Variants in CARS1 observed in about 807,000 individuals in gnomAD.
The protein encoded by CARS1 is cysteinyl-tRNA synthetase 1.
CARS1 carries 48 observed loss-of-function variants against 106.2 expected under a neutral mutation model. The observed-to-expected ratio is 0.45, with a 90% CI of 0.36 to 0.57. CARS1 has a LOEUF of 0.57. Ranked by LOEUF, CARS1 falls within the 20% of genes least tolerant of loss-of-function variation. The pLI, the probability that CARS1 is intolerant of heterozygous loss-of-function variation, is 0.00. For missense variants in CARS1, 968 were observed against 1,057.2 expected (o/e 0.92, Z 1.17); for synonymous variants, 409 against 403.4 (o/e 1.01, Z -0.17).
intron 18 of CARS1, chr11:3,009,156 A>C (rs1296863056): frequency 6.6e-6 from 1 of 152,306 alleles, no homozygotes; most frequent in Non-Finnish European, 1.5e-5. Flanking sequence ...GGATTTACTG[A>C]AGAGAAATGT....
Position 3,015,834 on chromosome 11 carries a change from CT to C in CARS1, c.1932del (p.Glu645LysfsTer78). The C allele has an allele frequency of 6.2e-7, 1 of 1,614,172 alleles. No homozygotes were observed. Among genetic ancestry groups the C allele is most frequent in the Non-Finnish European group, 8.5e-7 (1 of 1,180,028 alleles). ...GGGAATCCCAGGGAGCTGTCCTCTT[CT>C]ACGGCCCCAAAGATCTAGGAAAAGA... Reference protein sequence around the residue: ...LTHMLKIFGAVEEDSSLGFPV... With the variant: ...LTHMLKIFGAXEEDSSLGFPV... On this transcript the variant is annotated frameshift_variant, in exon 17 of 23. Coordinates refer to ENST00000380525, the MANE Select transcript of CARS1 (RefSeq NM_001014437.3). LOFTEE classifies it high-confidence loss of function.
In CARS1 at chr11:3,023,586, G is replaced by A. The variant is rs560332594; in HGVS notation, c.1153+3090C>T. On this transcript the variant is annotated intron_variant, in intron 10 of 22. Transcript: ENST00000380525. ...ATTTTTAAAATTTTTGTAGAGATGCGGTCTCACTACATTGCCCACGATGGT... is the reference window on the plus strand; with the variant it reads ...ATTTTTAAAATTTTTGTAGAGATGCAGTCTCACTACATTGCCCACGATGGT... 7.2e-5 allele frequency among the ~76,000 whole-genome samples: 11 copies of A among 152,162 alleles called. No individual in the cohort carries two copies. In the South Asian group the frequency reaches 1.0e-3, roughly 14 times the overall value.
chr11:3,049,172 T>C (rs1237705897), intron 1 of CARS1, among the ~76,000 whole-genome samples: 1 of 152,074 alleles, frequency 6.6e-6, no homozygotes, highest in Non-Finnish European at 1.5e-5. Context: ...TGGAGTGCAG[T>C]GGTGCAATCA....
chr11:3,014,372 T>G (rs982347663), intron 17 of CARS1, among the ~76,000 whole-genome samples: 5 of 152,230 alleles, frequency 3.3e-5, no homozygotes, highest in African/African-American at 1.2e-4. Context: ...GGCCATGATG[T>G]GTGGGCACAG....
chr11:3,024,983 G>C (rs1310976829), intron 10 of CARS1, among the ~76,000 whole-genome samples: 2 of 152,070 alleles, frequency 1.3e-5, no homozygotes, highest in African/African-American at 4.8e-5. Flanking sequence ...ATTAATTCTT[G>C]GCCTACTTGA....
At chr11:3,033,932 A>C (rs941535535) in intron 7 of CARS1, among the ~76,000 whole-genome samples, 1 of 152,166 alleles carries the variant, frequency 6.6e-6, no homozygotes, top group Admixed American at 6.5e-5. Context: ...ATTTTTATAA[A>C]TTTTTTAAAT....
intron 1 of CARS1, among the ~76,000 whole-genome samples, chr11:3,051,766 T>C (rs1169579156): frequency 6.6e-6 from 1 of 152,180 alleles, no homozygotes; most frequent in African/African-American, 2.4e-5. Context: ...TGTTCCCCAA[T>C]GCTGACCCTC....
At position 3,029,582 on chromosome 11, in the gene CARS1, G is replaced by A; in HGVS notation, c.802-139C>T. ...CTGTGAAGAGCCACCGTCTCCTAGG[G>A]AGACTGTGATGCTTACACAACTGGC... On this transcript the variant is annotated intron_variant, in intron 7 of 22. Coordinates refer to ENST00000380525, the MANE Select transcript of CARS1 (RefSeq NM_001014437.3). The surrounding 1 kb of genome is among the most constrained non-coding windows in gnomAD (Gnocchi z 5.9). 1.2e-6 allele frequency: 1 copy of A among 830,356 alleles called. No individual in the cohort carries two copies. The highest frequency in any genetic ancestry group is 1.8e-5 in the South Asian group (1 of 56,394). The allele number at this position is 830,356 out of a possible 1,614,324, so 51.4% of individuals were successfully genotyped here. A position where few individuals can be genotyped will look rare whatever the true frequency, so the allele number is the denominator to read the frequency against.
intron 14 of CARS1, 145 bp from the exon 15 acceptor site, chr11:3,018,099 G>A: frequency 4.7e-6 from 3 of 633,236 alleles, no homozygotes; most frequent in Non-Finnish European, 8.3e-6. Flanking sequence ...GAAAGGAAAA[G>A]ATATTTCTTT....
chr11:3,005,518 C>T (rs899721057), intron 19 of CARS1, 85 bp from the exon 20 acceptor site: 6 of 1,041,828 alleles, frequency 5.8e-6, no homozygotes, highest in Non-Finnish European at 7.4e-6. Flanking sequence ...CCCTGCCCTG[C>T]CCAGACCATG....
chr11:3,024,450 T>A (rs12294584), intron 10 of CARS1, among the ~76,000 whole-genome samples: 8,054 of 133,566 alleles, frequency 0.06, 722 homozygotes, highest in African/African-American at 0.2. Context: ...AAAAAAAAAA[T>A]TTTTTTAATG....
At chr11:3,006,480 C>CA (rs1389269846) in intron 19 of CARS1, among the ~76,000 whole-genome samples, 1 of 152,174 alleles carries the variant, frequency 6.6e-6, no homozygotes, top group East Asian at 1.9e-4. Context: ...AAATAAAAAA[C>CA]AAAAAAATTA....
chr11:3,023,005 C>G (rs1851718610), intron 10 of CARS1, among the ~76,000 whole-genome samples: 1 of 152,156 alleles, frequency 6.6e-6, no homozygotes, highest in African/African-American at 2.4e-5. Flanking sequence ...AAATCCATGT[C>G]CCTCTTTGGT....
chr11:3,028,186 G>C lies in CARS1; in HGVS notation c.1031+810C>G. The C allele has an allele frequency of 3.0e-6, 1 of 331,978 alleles. No individual in the cohort carries two copies. Among genetic ancestry groups the C allele is most frequent in the Non-Finnish European group, 5.7e-6 (1 of 173,954 alleles). 20.6% of individuals were successfully genotyped at this position (331,978 alleles called of 1,614,324 possible). On this transcript the variant is annotated intron_variant, in intron 9 of 22. Coordinates refer to ENST00000380525, the MANE Select transcript of CARS1 (RefSeq NM_001014437.3). The surrounding 1 kb of genome is among the most constrained non-coding windows in gnomAD (Gnocchi z 4.4). ...GCTGCCAGGCAGGGAAGGGCCCCCT[G>C]TCCAGTGGACACGTGACCCACGTGG...
At position 3,040,910 on chromosome 11, in the gene CARS1, G is replaced by A; in HGVS notation, c.441C>T (p.His147=). 1 of 1,614,112 alleles carries A rather than the reference G, an allele frequency of 6.2e-7. No homozygotes were observed. Among genetic ancestry groups the A allele is most frequent in the Non-Finnish European group, 8.5e-7 (1 of 1,180,008 alleles). ...CCGPTVYDAS[H]MGHARSYISF... ...GGTGGACCTACCTGGCGTGCCCCAT[G>A]TGAGATGCGTCATAGACGGTTGGCC... The change falls in exon 4 of 23, where the codon CAC becomes CAT. Residue 147 remains histidine (H), a synonymous_variant. Transcript: ENST00000380525. This position sits in a 1 kb window ranked among gnomAD's most constrained non-coding sequence, Gnocchi z 5.8.
At chr11:3,056,971 C>T (rs549911545) in intron 1 of CARS1, among the ~76,000 whole-genome samples, 1 of 152,166 alleles carries the variant, frequency 6.6e-6, no homozygotes, top group East Asian at 1.9e-4. Flanking sequence ...GTCTGGCAGA[C>T]CCTCACGCAG....
rs542282330 is a variant in CARS1, at chr11:3,046,352, G to C, written c.274+1401C>G. ...TCCTGCCCCCCTCTGGCTGTGTCTTGGAATGGCACATGGCAGGGGGAACAA... is the reference window on the plus strand; with the variant it reads ...TCCTGCCCCCCTCTGGCTGTGTCTTCGAATGGCACATGGCAGGGGGAACAA... On this transcript the variant is annotated intron_variant, in intron 2 of 22. Coordinates refer to ENST00000380525, the MANE Select transcript of CARS1 (RefSeq NM_001014437.3). This position sits in a 1 kb window ranked among gnomAD's most constrained non-coding sequence, Gnocchi z 5.8. Among the ~76,000 whole-genome samples the C allele has an allele frequency of 2.0e-5, 3 of 152,242 alleles. No individual in the cohort carries two copies. Among genetic ancestry groups the C allele is most frequent in the East Asian group, 1.9e-4 (1 of 5,170 alleles).
chr11:3,029,610 G>A lies in CARS1; in HGVS notation c.802-167C>T, dbSNP rs1366876076. 10 of 657,072 alleles carry A rather than the reference G, an allele frequency of 1.5e-5. No individual in the cohort carries two copies. Among genetic ancestry groups the A allele is most frequent in the East Asian group, 1.4e-4 (5 of 36,452 alleles). The allele number at this position is 657,072 out of a possible 1,614,324, so 40.7% of individuals were successfully genotyped here. A position where few individuals can be genotyped will look rare whatever the true frequency, so the allele number is the denominator to read the frequency against. The stretch of plus-strand genomic sequence containing the variant: ...ACTGTGATGCTTACACAACTGGCTC[G>A]GCAGGGACAAATACAAGACTCTACA... On this transcript the variant is annotated intron_variant, in intron 7 of 22. Coordinates refer to ENST00000380525, the MANE Select transcript of CARS1 (RefSeq NM_001014437.3). The surrounding 1 kb of genome is among the most constrained non-coding windows in gnomAD (Gnocchi z 5.9).
rs1025715353 is a variant in CARS1, at chr11:3,003,553, G to A, written c.2218-953C>T. On this transcript the variant is annotated intron_variant, in intron 20 of 22. Coordinates refer to ENST00000380525, the MANE Select transcript of CARS1 (RefSeq NM_001014437.3). This position sits in a 1 kb window ranked among gnomAD's most constrained non-coding sequence, Gnocchi z 4.8. ...ACCAGATAAGGTCTCCTGGGGAGGCGCCACACACAGAGCTAGGGAAAAGAA... is the reference window on the plus strand; with the variant it reads ...ACCAGATAAGGTCTCCTGGGGAGGCACCACACACAGAGCTAGGGAAAAGAA... Among the ~76,000 whole-genome samples the A allele has an allele frequency of 2.0e-5, 3 of 152,248 alleles. No individual in the cohort carries two copies. Among genetic ancestry groups the A allele is most frequent in the South Asian group, 2.1e-4 (1 of 4,822 alleles).
Sources: gnomAD v4.1 joint callset for allele counts (sites outside exome capture counted in the v4.1 genomes callset) on GRCh38, gnomAD v4.1.1 for gene constraint, Gnocchi (gnomAD v3.1) non-coding constraint, MANE v1.5 for transcripts, NCBI Gene and HGNC (gene_info 2026-07-23, HGNC 2026-07-21) for gene names.